Variants in CTXND1 observed in about 807,000 individuals in gnomAD.
CTXND1 encodes cortexin domain containing 1, also known as cortexin domain-containing 1 protein.
intron 1 of CTXND1, among the ~76,000 whole-genome samples, chr15:80,240,093 G>A (rs1216655554): frequency 6.6e-6 from 1 of 152,160 alleles, no homozygotes; most frequent in Non-Finnish European, 1.5e-5. Flanking sequence ...AGCCTCCCGA[G>A]TAGCTGGGAT....
intron 1 of CTXND1, among the ~76,000 whole-genome samples, chr15:80,246,077 C>T (rs1184710992): frequency 6.6e-6 from 1 of 152,056 alleles, no homozygotes; most frequent in Non-Finnish European, 1.5e-5. Context: ...CCAAAATTTC[C>T]ACCTAGCACA....
chr15:80,216,867 G>A (rs757503765), intron 1 of CTXND1, among the ~76,000 whole-genome samples: 1 of 152,034 alleles, frequency 6.6e-6, no homozygotes, highest in Admixed American at 6.6e-5. Flanking sequence ...CACCTGCCTT[G>A]GCCTCTGAAA....
chr15:80,251,307 T>G lies in CTXND1; in HGVS notation c.-218+700A>C, dbSNP rs77502810. Among the ~76,000 whole-genome samples the G allele has an allele frequency of 5.1e-4, 77 of 152,308 alleles. 1 individual carries two copies. In the East Asian group the frequency reaches 0.014, roughly 27 times the overall value. ...CCAAAACATTAGAACCCAGGATAGG[T>G]CTACGCCTCCACTGATACGGAAAAA... On this transcript the variant is annotated intron_variant, in intron 1 of 2. Coordinates refer to ENST00000560778, the MANE Select transcript of CTXND1 (RefSeq NM_001352888.2).
intron 1 of CTXND1, among the ~76,000 whole-genome samples, chr15:80,250,583 T>A (rs1893681827): frequency 6.6e-6 from 1 of 152,210 alleles, no homozygotes. Context: ...AACATATGAA[T>A]GCAATGATTA....
intron 2 of CTXND1, 72 bp from the exon 3 acceptor site, chr15:80,202,086 C>T (rs2041453006): frequency 2.5e-6 from 1 of 396,926 alleles, no homozygotes; most frequent in African/African-American, 2.1e-5. Context: ...AGGGCACCAA[C>T]CTCTGCTCCC....
intron 1 of CTXND1, among the ~76,000 whole-genome samples, chr15:80,251,635 G>C (rs1410206477): frequency 6.6e-6 from 1 of 152,236 alleles, no homozygotes; most frequent in African/African-American, 2.4e-5. Context: ...GTGAGGCTCA[G>C]AACAGCGAGG....
intron 1 of CTXND1, among the ~76,000 whole-genome samples, chr15:80,230,270 A>G (rs1039268725): frequency 6.6e-6 from 1 of 152,184 alleles, no homozygotes; most frequent in African/African-American, 2.4e-5. Context: ...GCCTCTTGGA[A>G]GGCGGGGGCG....
intron 1 of CTXND1, among the ~76,000 whole-genome samples, chr15:80,222,598 AATTGTT>A (rs1412687428): frequency 6.6e-6 from 1 of 152,126 alleles, no homozygotes; most frequent in Non-Finnish European, 1.5e-5. Flanking sequence ...TATCTCTTTT[AATTGTT>A]ATTAACAGTT....
chr15:80,210,194 C>T (rs1381022384), intron 1 of CTXND1, among the ~76,000 whole-genome samples: 2 of 152,186 alleles, frequency 1.3e-5, no homozygotes, highest in Non-Finnish European at 2.9e-5. Flanking sequence ...TTCGCCACCT[C>T]CTTAATGTTT....
intron 1 of CTXND1, among the ~76,000 whole-genome samples, chr15:80,226,443 G>C (rs191934449): frequency 2.8e-3 from 432 of 152,252 alleles, no homozygotes; most frequent in Admixed American, 5.2e-3. Context: ...ACGGCCCCAA[G>C]TTGTCCCTCC....
In CTXND1 at chr15:80,214,197, GATA is replaced by G. The variant is rs374844021; in HGVS notation, c.-217-10460_-217-10458del. Among the ~76,000 whole-genome samples, 4 of 152,178 alleles carry G rather than the reference GATA, an allele frequency of 2.6e-5. No individual in the cohort carries two copies. In the East Asian group the frequency reaches 7.7e-4, roughly 29 times the overall value. On this transcript the variant is annotated intron_variant, in intron 1 of 2. Coordinates refer to ENST00000560778, the MANE Select transcript of CTXND1 (RefSeq NM_001352888.2). ...GTACAATACATTTTTCACATTATTG[GATA>G]ATGTCAATAAATATTATTTTATTTT... is the stretch of plus-strand genomic sequence containing the variant.
intron 1 of CTXND1, among the ~76,000 whole-genome samples, chr15:80,216,468 A>G (rs1477388398): frequency 2.0e-5 from 3 of 152,328 alleles, no homozygotes; most frequent in South Asian, 2.1e-4. Context: ...CAACTGTTAC[A>G]TAGCAGCAGG....
chr15:80,215,663 G>A (rs181127346), intron 1 of CTXND1, among the ~76,000 whole-genome samples: 6 of 152,244 alleles, frequency 3.9e-5, no homozygotes, highest in Admixed American at 3.3e-4. Flanking sequence ...CATTCCTGGG[G>A]CATTATCTGG....
At chr15:80,213,883 C>T (rs1006183899) in intron 1 of CTXND1, among the ~76,000 whole-genome samples, 17 of 152,010 alleles carry the variant, frequency 1.1e-4, no homozygotes, top group Admixed American at 7.9e-4. Context: ...GTCTGAGATA[C>T]GCAAAAACCT....
chr15:80,209,995 T>A (rs920473527), intron 1 of CTXND1, among the ~76,000 whole-genome samples: 4 of 152,228 alleles, frequency 2.6e-5, no homozygotes, highest in African/African-American at 9.6e-5. Flanking sequence ...TTAATCTAAA[T>A]CAAACAAACT....
At chr15:80,240,991 G>A (rs1268256802) in intron 1 of CTXND1, among the ~76,000 whole-genome samples, 1 of 152,236 alleles carries the variant, frequency 6.6e-6, no homozygotes, top group African/African-American at 2.4e-5. Context: ...CTACTGCAGA[G>A]AAAGTGTGGA....
At chr15:80,237,744 C>A (rs1448002379) in intron 1 of CTXND1, among the ~76,000 whole-genome samples, 1 of 152,180 alleles carries the variant, frequency 6.6e-6, no homozygotes, top group Non-Finnish European at 1.5e-5. Flanking sequence ...TGCAGTGGCT[C>A]ACGCCTGTAA....
rs546906497 is a variant in CTXND1 at position 80,231,192 on chromosome 15, A to C, written c.-218+20815T>G. On this transcript the variant is annotated intron_variant, in intron 1 of 2. Transcript: ENST00000560778. ...GCCTGACCGCTGCTTCTCTGTGCCT[A>C]CTTCTCTCCAGGTTCACATGGGTAG... 5.9e-4 allele frequency among the ~76,000 whole-genome samples: 90 copies of C among 151,496 alleles called. 2 individuals are homozygous for C. The highest frequency in any genetic ancestry group is 5.8e-3 in the Admixed American group (88 of 15,220).
rs186284956 is a variant in CTXND1, at chr15:80,237,195, C to T, written c.-218+14812G>A. Among the ~76,000 whole-genome samples, 542 of 151,592 alleles carry T rather than the reference C, an allele frequency of 3.6e-3. 9 individuals are homozygous for T. Among genetic ancestry groups the T allele is most frequent in the Admixed American group, 0.029 (442 of 15,240 alleles). ...CTAAAAATATAAAAAATTAGCTGGG[C>T]GTGGTGGCAGGTGCCTGTAGTCCCA... On this transcript the variant is annotated intron_variant, in intron 1 of 2. Transcript: ENST00000560778.
Sources: gnomAD v4.1 joint callset for allele counts (sites outside exome capture counted in the v4.1 genomes callset) on GRCh38, gnomAD v4.1.1 for gene constraint, MANE v1.5 for transcripts, NCBI Gene and HGNC (gene_info 2026-07-23, HGNC 2026-07-21) for gene names.